SOX10: variants seen among roughly 807,000 people sequenced by gnomAD.
SOX10 encodes SRY-box transcription factor 10.
SOX10 carries 3 observed loss-of-function variants against 35.0 expected under a neutral mutation model. That is an observed-to-expected ratio of 0.09 (90% CI 0.04 to 0.22). The LOEUF is 0.22. Among genes scored for constraint, SOX10 ranks in the 10% least tolerant of loss-of-function variants. The probability of loss-of-function intolerance (pLI) is 1.00; values close to 1 mark genes in which losing one functional copy is unlikely to be tolerated. For synonymous variants in SOX10, 285 were observed against 291.0 expected, an observed-to-expected ratio of 0.98 and a Z score of 0.21; for missense variants, 436 against 655.1, an observed-to-expected ratio of 0.67 and a Z score of 3.65.
chr22:37,977,594 A>G (rs995008484), intron 3 of SOX10, among the ~76,000 whole-genome samples: 2 of 152,010 alleles, frequency 1.3e-5, no homozygotes, highest in African/African-American at 4.8e-5. Context: ...TGCTGGGATT[A>G]CAGGTGTGAG....
In SOX10 at chr22:37,983,807, G is replaced by A. The variant is rs1456882416; in HGVS notation, c.-23C>T. ...CATGTCGCCCCCGGCCGCCGCCGCCGCCGCCTCGGCCGCCTCCCCCGGGCC... is the reference window on the plus strand; with the variant it reads ...CATGTCGCCCCCGGCCGCCGCCGCCACCGCCTCGGCCGCCTCCCCCGGGCC... On this transcript the variant is annotated 5_prime_UTR_variant, in exon 2 of 4. Coordinates refer to ENST00000396884, the MANE Select transcript of SOX10 (RefSeq NM_006941.4). The surrounding 1 kb of genome is among the most constrained non-coding windows in gnomAD (Gnocchi z 9.5). 2 of 1,405,640 alleles carry A rather than the reference G, an allele frequency of 1.4e-6. No homozygotes were observed. Among genetic ancestry groups the A allele is most frequent in the Admixed American group, 2.7e-5 (1 of 37,090 alleles). 87.1% of individuals were successfully genotyped at this position (1,405,640 alleles called of 1,614,324 possible). A position where few individuals can be genotyped will look rare whatever the true frequency, so the allele number is the denominator to read the frequency against.
rs1932458556 is a variant in SOX10 at position 37,983,326 on chromosome 22, GC to G, written c.428+30del. ...CCCTGAATCCACCCGAAGCTAGAGG[GC>G]CCGAGCCCGGGGGGCGGTCGGGTGC... is the stretch of plus-strand genomic sequence containing the variant. On this transcript the variant is annotated intron_variant, in intron 2 of 3. Coordinates refer to ENST00000396884, the MANE Select transcript of SOX10 (RefSeq NM_006941.4). The surrounding 1 kb of genome is among the most constrained non-coding windows in gnomAD (Gnocchi z 9.5). 6.3e-7 allele frequency: 1 copy of G among 1,584,768 alleles called. No individual in the cohort carries two copies. The highest frequency in any genetic ancestry group is 1.1e-5 in the South Asian group (1 of 87,762).
chr22:37,972,383 A>AG lies in SOX10; in HGVS notation c.*1111dup. 1 of 462,512 alleles carries AG rather than the reference A, an allele frequency of 2.2e-6. No homozygotes were observed. Among genetic ancestry groups the AG allele is most frequent in the East Asian group, 7.2e-5 (1 of 13,888 alleles). 28.7% of individuals were successfully genotyped at this position (462,512 alleles called of 1,614,324 possible). A position where few individuals can be genotyped will look rare whatever the true frequency, so the allele number is the denominator to read the frequency against. On this transcript the variant is annotated 3_prime_UTR_variant, in exon 4 of 4. Transcript: ENST00000396884. ...TAATAGGGGCTAGAGTGGCTAGGAG[A>AG]GGGGACTACTGAGATAAATAACAGG...
In SOX10 at chr22:37,983,458, G is replaced by A. The variant is rs1237217031; in HGVS notation, c.327C>T (p.Asn109=). The A allele has an allele frequency of 6.2e-7, 1 of 1,612,254 alleles. No homozygotes were observed. Residue 109 remains asparagine (N), a synonymous_variant, in exon 2 of 4, where the codon AAC becomes AAT. Transcript: ENST00000396884. This position sits in a 1 kb window ranked among gnomAD's most constrained non-coding sequence, Gnocchi z 9.5. ...CTGCCTGAGCCCACACCATGAAGGCGTTCATGGGCCGCTTGACGTGCGGCT... is the reference window on the plus strand; with the variant it reads ...CTGCCTGAGCCCACACCATGAAGGCATTCATGGGCCGCTTGACGTGCGGCT... The part of the protein sequence containing the change: ...KSKPHVKRPM[N]AFMVWAQAAR...
At position 37,973,504 on chromosome 22, in the gene SOX10, G is replaced by A; in HGVS notation, c.1392C>T (p.Ser464=). The change falls in exon 4 of 4, where the codon TCC becomes TCT. Residue 464 remains serine (S), a synonymous_variant. Coordinates refer to ENST00000396884, the MANE Select transcript of SOX10 (RefSeq NM_006941.4). ...HWEQPVYTTL[S]RP is the part of the protein sequence containing the mutation. ...GGCGACAGGGCCCCCTTTAGGGCCGGGACAGTGTCGTATATACTGGCTGCT... is the reference window on the plus strand; with the variant it reads ...GGCGACAGGGCCCCCTTTAGGGCCGAGACAGTGTCGTATATACTGGCTGCT... 6.3e-7 allele frequency: 1 copy of A among 1,599,360 alleles called. No individual in the cohort carries two copies. Among genetic ancestry groups the A allele is most frequent in the Non-Finnish European group, 8.5e-7 (1 of 1,172,756 alleles).
Position 37,973,378 on chromosome 22 carries a change from C to T in SOX10, c.*117G>A. 1 of 702,864 alleles carries T rather than the reference C, an allele frequency of 1.4e-6. No individual in the cohort carries two copies. The highest frequency in any genetic ancestry group is 2.3e-6 in the Non-Finnish European group (1 of 430,616). 43.5% of individuals were successfully genotyped at this position (702,864 alleles called of 1,614,324 possible). On this transcript the variant is annotated 3_prime_UTR_variant, in exon 4 of 4. Coordinates refer to ENST00000396884, the MANE Select transcript of SOX10 (RefSeq NM_006941.4). ...GACAGAAAGCCCCCCGACCTGTCAG[C>T]CTCTTCAGCCTCCTCAGCCTCCTCC...
rs1569171448 is a variant in SOX10, at chr22:37,983,819, GC to G, written c.-36del. ...GGCCGCCGCCGCCGCCGCCTCGGCC[GC>G]CTCCCCCGGGCCAGCCGCCGGGGTC... On this transcript the variant is annotated 5_prime_UTR_variant, in exon 2 of 4. Coordinates refer to ENST00000396884, the MANE Select transcript of SOX10 (RefSeq NM_006941.4). This position sits in a 1 kb window ranked among gnomAD's most constrained non-coding sequence, Gnocchi z 9.5. 1 of 1,395,374 alleles carries G rather than the reference GC, an allele frequency of 7.2e-7. No homozygotes were observed. 86.4% of individuals were successfully genotyped at this position (1,395,374 alleles called of 1,614,324 possible). A position where few individuals can be genotyped will look rare whatever the true frequency, so the allele number is the denominator to read the frequency against.
chr22:37,983,486 C>T lies in SOX10; in HGVS notation c.299G>A (p.Ser100Asn), dbSNP rs374038201. The change falls in exon 2 of 4, where the codon AGC (serine) becomes AAC (asparagine). Residue 100 changes from serine to asparagine, a missense_variant. Coordinates refer to ENST00000396884, the MANE Select transcript of SOX10 (RefSeq NM_006941.4). This position sits in a 1 kb window ranked among gnomAD's most constrained non-coding sequence, Gnocchi z 9.5. ...MPVRVNGASK[S>N]KPHVKRPMNA... is the part of the protein sequence containing the mutation. ...CATGGGCCGCTTGACGTGCGGCTTG[C>T]TTTTGCTGGCGCCGTTGACGCGCAC... 1.2e-6 allele frequency: 2 copies of T among 1,611,774 alleles called. No individual in the cohort carries two copies. The highest frequency in any genetic ancestry group is 1.7e-4 in the Middle Eastern group (1 of 6,048).
At chr22:37,979,344 C>G (rs545913200) in intron 2 of SOX10, among the ~76,000 whole-genome samples, 1 of 151,552 alleles carries the variant, frequency 6.6e-6, no homozygotes, top group Non-Finnish European at 1.5e-5. Context: ...GTGATCCACC[C>G]GCCTTGGCCT....
In SOX10 at chr22:37,972,575, G is replaced by C. The variant is rs1037028731; in HGVS notation, c.*920C>G. The C allele has an allele frequency of 4.2e-6, 1 of 238,956 alleles. No individual in the cohort carries two copies. Among genetic ancestry groups the C allele is most frequent in the Middle Eastern group, 1.8e-3 (1 of 570 alleles). 14.8% of individuals were successfully genotyped at this position (238,956 alleles called of 1,614,324 possible). A position where few individuals can be genotyped will look rare whatever the true frequency, so the allele number is the denominator to read the frequency against. On this transcript the variant is annotated 3_prime_UTR_variant, in exon 4 of 4. Transcript: ENST00000396884. ...GTCTTCAGCCTGCCGACAGCAACCT[G>C]GGTGCTGGGCCCTGTGTCTCCTGGA...
rs1478144534 is a variant in SOX10, at chr22:37,978,546, G to A, written c.429-411C>T. Among the ~76,000 whole-genome samples, 1 of 152,224 alleles carries A rather than the reference G, an allele frequency of 6.6e-6. No homozygotes were observed. Among genetic ancestry groups the A allele is most frequent in the Non-Finnish European group, 1.5e-5 (1 of 68,042 alleles). ...TGGGGGTGAGCTCCCTGGGACTGAG[G>A]GTGGGCAATAGAAGCAGCATGGCTG... On this transcript the variant is annotated intron_variant, in intron 2 of 3. Transcript: ENST00000396884. This position sits in a 1 kb window ranked among gnomAD's most constrained non-coding sequence, Gnocchi z 5.0.
intron 2 of SOX10, among the ~76,000 whole-genome samples, chr22:37,979,512 G>A (rs1229742867): frequency 6.6e-6 from 1 of 151,972 alleles, no homozygotes; most frequent in African/African-American, 2.4e-5. Flanking sequence ...GGACTGAGGG[G>A]GCAGATGTGG....
At position 37,983,958 on chromosome 22, in the gene SOX10, G is replaced by A; in HGVS notation, c.-84-90C>T. On this transcript the variant is annotated intron_variant, in intron 1 of 3. Transcript: ENST00000396884. The surrounding 1 kb of genome is among the most constrained non-coding windows in gnomAD (Gnocchi z 9.5). ...ACGTGGGCACAGCCCCGAGGTGGCG[G>A]CCCTTCCTGCTCCAGCTAAACCCAT... 5.0e-6 allele frequency: 2 copies of A among 403,002 alleles called. No homozygotes were observed. The highest frequency in any genetic ancestry group is 5.1e-5 in the Admixed American group (1 of 19,768). 25.0% of individuals were successfully genotyped at this position (403,002 alleles called of 1,614,324 possible).
rs1181279562 is a variant in SOX10 at position 37,973,143 on chromosome 22, C to T, written c.*352G>A. 1.1e-5 allele frequency: 3 copies of T among 271,840 alleles called. No individual in the cohort carries two copies. Among genetic ancestry groups the T allele is most frequent in the Non-Finnish European group, 2.1e-5 (3 of 142,940 alleles). 16.8% of individuals were successfully genotyped at this position (271,840 alleles called of 1,614,324 possible). On this transcript the variant is annotated 3_prime_UTR_variant, in exon 4 of 4. Coordinates refer to ENST00000396884, the MANE Select transcript of SOX10 (RefSeq NM_006941.4). ...ATAGGAGTGGTAAGGCCTCCGATGC[C>T]ACCAACCCTGGTGCTTCCCCTCCCC...
intron 2 of SOX10, among the ~76,000 whole-genome samples, chr22:37,982,390 C>T (rs1358653467): frequency 6.6e-6 from 1 of 152,156 alleles, no homozygotes; most frequent in African/African-American, 2.4e-5. Context: ...CTCTGGCACT[C>T]CCGGGTGGGA....
chr22:37,973,420 C>G lies in SOX10; in HGVS notation c.*75G>C. 3.0e-6 allele frequency: 3 copies of G among 993,682 alleles called. No individual in the cohort carries two copies. Among genetic ancestry groups the G allele is most frequent in the Non-Finnish European group, 4.4e-6 (3 of 681,186 alleles). 61.6% of individuals were successfully genotyped at this position (993,682 alleles called of 1,614,324 possible). A position where few individuals can be genotyped will look rare whatever the true frequency, so the allele number is the denominator to read the frequency against. ...GCCTCCTCCACTGCCACCACCAGGC[C>G]TGAGGTGGGCAAGGAACAGGGCACA... On this transcript the variant is annotated 3_prime_UTR_variant, in exon 4 of 4. Coordinates refer to ENST00000396884, the MANE Select transcript of SOX10 (RefSeq NM_006941.4).
chr22:37,982,315 T>C (rs567640610), intron 2 of SOX10, among the ~76,000 whole-genome samples: 3 of 152,292 alleles, frequency 2.0e-5, no homozygotes, highest in East Asian at 1.9e-4. Flanking sequence ...TTGGTCAGTC[T>C]AGCGAGAATC....
At position 37,978,022 on chromosome 22, in the gene SOX10, C is replaced by G; in HGVS notation, c.542G>C (p.Gly181Ala). 6.2e-7 allele frequency: 1 copy of G among 1,611,522 alleles called. No individual in the cohort carries two copies. The highest frequency in any genetic ancestry group is 8.5e-7 in the Non-Finnish European group (1 of 1,179,542). Residue 181 changes from glycine (G) to alanine (A), a missense_variant, in exon 3 of 4, where the codon GGG becomes GCG. Coordinates refer to ENST00000396884, the MANE Select transcript of SOX10 (RefSeq NM_006941.4). This position sits in a 1 kb window ranked among gnomAD's most constrained non-coding sequence, Gnocchi z 5.0. ...CTCCGCCTCGCCCTGGGCGGCCTTC[C>G]CGTTCTTCCGCCGCCTGGGCTGGTA... ...YKYQPRRRKN[G>A]KAAQGEAECP...
At position 37,983,956 on chromosome 22, in the gene SOX10, C is replaced by A; in HGVS notation, c.-84-88G>T. 2.4e-6 allele frequency: 1 copy of A among 410,258 alleles called. No homozygotes were observed. Among genetic ancestry groups the A allele is most frequent in the Non-Finnish European group, 4.0e-6 (1 of 248,238 alleles). The allele number at this position is 410,258 out of a possible 1,614,324, so 25.4% of individuals were successfully genotyped here. On this transcript the variant is annotated intron_variant, in intron 1 of 3. Coordinates refer to ENST00000396884, the MANE Select transcript of SOX10 (RefSeq NM_006941.4). This position sits in a 1 kb window ranked among gnomAD's most constrained non-coding sequence, Gnocchi z 9.5. ...GGACGTGGGCACAGCCCCGAGGTGG[C>A]GGCCCTTCCTGCTCCAGCTAAACCC...
Sources: gnomAD v4.1 joint callset for allele counts (sites outside exome capture counted in the v4.1 genomes callset) on GRCh38, gnomAD v4.1.1 for gene constraint, Gnocchi (gnomAD v3.1) non-coding constraint, MANE v1.5 for transcripts, NCBI Gene and HGNC (gene_info 2026-07-23, HGNC 2026-07-21) for gene names.